The following GPR137B variants were observed in gnomAD, a reference collection of about 807,000 sequenced individuals.
GPR137B encodes integral membrane protein GPR137B.
A neutral mutation model predicts 42.5 loss-of-function variants in GPR137B; 42 were observed. The ratio of observed to expected loss-of-function variants is 0.99; its 90% CI spans 0.77 to 1.28. GPR137B has a LOEUF of 1.28. Among genes scored for constraint, GPR137B ranks in the 50% most tolerant of loss-of-function variants. GPR137B has a pLI of 0.00. For synonymous variants in GPR137B, 218 were observed against 209.7 expected, an observed-to-expected ratio of 1.04 and a Z score of -0.34; for missense variants, 487 against 493.9, an observed-to-expected ratio of 0.99 and a Z score of 0.13.
chr1:236,195,650 A>G (rs955401965), intron 5 of GPR137B, among the ~76,000 whole-genome samples: 6 of 152,174 alleles, frequency 3.9e-5, no homozygotes, highest in Non-Finnish European at 8.8e-5. Flanking sequence ...ATCATGTGGT[A>G]GCTCAATTTT....
At chr1:236,149,844 G>A (rs2102890065) in intron 1 of GPR137B, among the ~76,000 whole-genome samples, 1 of 152,384 alleles carries the variant, frequency 6.6e-6, no homozygotes, top group Admixed American at 6.5e-5. Flanking sequence ...GCACCTAGGT[G>A]TGCGCCTTTG....
chr1:236,172,968 A>G (rs1248903636), intron 2 of GPR137B, among the ~76,000 whole-genome samples: 3 of 151,492 alleles, frequency 2.0e-5, no homozygotes, highest in Admixed American at 6.6e-5. Flanking sequence ...CTGGGATTAC[A>G]GGTACACGCC....
intron 4 of GPR137B, among the ~76,000 whole-genome samples, chr1:236,180,736 C>T (rs937381945): frequency 6.6e-6 from 1 of 151,536 alleles, no homozygotes; most frequent in African/African-American, 2.4e-5. Flanking sequence ...CCTGCGTCAG[C>T]CTCCAGAGTA....
intron 5 of GPR137B, among the ~76,000 whole-genome samples, chr1:236,194,294 T>G (rs1015320871): frequency 6.6e-6 from 1 of 152,242 alleles, no homozygotes; most frequent in African/African-American, 2.4e-5. Context: ...CTAAGAGTTT[T>G]GTAGTTTTTG....
chr1:236,179,812 G>T (rs1393427922), intron 3 of GPR137B, 67 bp from the exon 4 acceptor site: 4 of 1,191,934 alleles, frequency 3.4e-6, no homozygotes, highest in Non-Finnish European at 4.7e-6. Context: ...ATAGCAGGTG[G>T]GGGCTGGGGA....
rs1401818286 is a variant in GPR137B, at chr1:236,171,415, G to T, written c.464+2660G>T. Among the ~76,000 whole-genome samples, 1 of 152,214 alleles carries T rather than the reference G, an allele frequency of 6.6e-6. No individual in the cohort carries two copies. The highest frequency in any genetic ancestry group is 2.4e-5 in the African/African-American group (1 of 41,452). On this transcript the variant is annotated intron_variant, in intron 2 of 6. Transcript: ENST00000366592. The surrounding 1 kb of genome is among the most constrained non-coding windows in gnomAD (Gnocchi z 4.4). ...TAGGTCAAAGCATGAGTGAAGATGG[G>T]CATAGGAGGAGAACATTCTGTCTGA...
intron 5 of GPR137B, among the ~76,000 whole-genome samples, chr1:236,192,602 T>TG (rs1180613482): frequency 6.6e-6 from 1 of 152,084 alleles, no homozygotes; most frequent in Non-Finnish European, 1.5e-5. Context: ...GAAAATTCCC[T>TG]GACTCCTTGC....
chr1:236,183,900 G>T lies in GPR137B; in HGVS notation c.960G>T (p.Lys320Asn). 6.2e-7 allele frequency: 1 copy of T among 1,607,248 alleles called. No individual in the cohort carries two copies. Among genetic ancestry groups the T allele is most frequent in the Non-Finnish European group, 8.5e-7 (1 of 1,174,844 alleles). ...VYFFRVRNPT[K>N]DLTNPGMVPS... Reference sequence around the variant, plus strand: ...TCTTCCGAGTTAGAAATCCTACAAAGGACCTTGTAAGTAAACCATTTTACA... The same window carrying T: ...TCTTCCGAGTTAGAAATCCTACAAATGACCTTGTAAGTAAACCATTTTACA... The change falls in exon 5 of 7, where the codon AAG becomes AAT. Residue 320 changes from lysine to asparagine, a missense_variant. Transcript: ENST00000366592.
chr1:236,172,708 A>G (rs963584136), intron 2 of GPR137B, among the ~76,000 whole-genome samples: 1 of 149,176 alleles, frequency 6.7e-6, no homozygotes, highest in African/African-American at 2.5e-5. Flanking sequence ...TTTTTAAGAG[A>G]CAAGGTCTCA....
intron 4 of GPR137B, among the ~76,000 whole-genome samples, chr1:236,182,202 C>A (rs561354253): frequency 2.8e-4 from 42 of 152,168 alleles, no homozygotes; most frequent in African/African-American, 9.2e-4. Flanking sequence ...CTATTTTAAC[C>A]ATTTTTAAGT....
chr1:236,154,375 T>C (rs529211309), intron 1 of GPR137B, among the ~76,000 whole-genome samples: 1 of 152,076 alleles, frequency 6.6e-6, no homozygotes, highest in African/African-American at 2.4e-5. Flanking sequence ...CAGCATATAT[T>C]GTGTCTTCCC....
intron 3 of GPR137B, among the ~76,000 whole-genome samples, 153 bp downstream of exon 3, chr1:236,178,789 T>TTTTTTTG (rs1558488548): frequency 4.8e-5 from 3 of 62,614 alleles, no homozygotes; most frequent in East Asian, 4.3e-4. Context: ...CTCGAGGTTT[T>TTTTTTTG]TTTTTTTTTT....
At chr1:236,173,863 CAT>C (rs1662615114) in intron 2 of GPR137B, among the ~76,000 whole-genome samples, 2 of 151,770 alleles carry the variant, frequency 1.3e-5, no homozygotes, top group South Asian at 4.2e-4. Flanking sequence ...CAGCTGCAGG[CAT>C]AGAGGGAAAA....
At chr1:236,205,280 T>C in intron 6 of GPR137B, 30 bp downstream of exon 6, 4 of 1,593,362 alleles carry the variant, frequency 2.5e-6, no homozygotes, top group Admixed American at 1.7e-5. Flanking sequence ...TAGACAAGCC[T>C]CATCAGGAGG....
chr1:236,191,742 C>A (rs1365008618), intron 5 of GPR137B, among the ~76,000 whole-genome samples: 1 of 152,192 alleles, frequency 6.6e-6, no homozygotes, highest in Non-Finnish European at 1.5e-5. Flanking sequence ...CCAGAGCTCT[C>A]CTGTATGAGG....
At position 236,207,211 on chromosome 1, in the gene GPR137B, G is replaced by A. The variant is rs1001791595; in HGVS notation, c.1092-839G>A. 3.0e-6 allele frequency: 3 copies of A among 985,102 alleles called. No individual in the cohort carries two copies. The African/African-American group carries it at 5.2e-5, about 17-fold the overall frequency. 61.0% of individuals were successfully genotyped at this position (985,102 alleles called of 1,614,324 possible). ...GGAGCAGAGAAATCCTGGTCAGATA[G>A]GATAAAAGATTGTCGCTGAGAAAAA... On this transcript the variant is annotated intron_variant, in intron 6 of 6. Coordinates refer to ENST00000366592, the MANE Select transcript of GPR137B (RefSeq NM_003272.4).
At chr1:236,160,661 T>G (rs1662163772) in intron 1 of GPR137B, among the ~76,000 whole-genome samples, 1 of 152,208 alleles carries the variant, frequency 6.6e-6, no homozygotes, top group Non-Finnish European at 1.5e-5. Context: ...GCTCTTGAAT[T>G]GACTCACTGC....
At chr1:236,179,382 T>C (rs1465855540) in intron 3 of GPR137B, among the ~76,000 whole-genome samples, 2 of 152,178 alleles carry the variant, frequency 1.3e-5, no homozygotes, top group African/African-American at 4.8e-5. Context: ...GATTTCCAGG[T>C]AATTCCGAGT....
At chr1:236,143,965 A>G (rs1335179793) in intron 1 of GPR137B, among the ~76,000 whole-genome samples, 2 of 152,040 alleles carry the variant, frequency 1.3e-5, no homozygotes, top group Non-Finnish European at 2.9e-5. Context: ...TAAGATGTCC[A>G]TTTTCACTAG....
Sources: gnomAD v4.1 joint callset for allele counts (sites outside exome capture counted in the v4.1 genomes callset) on GRCh38, gnomAD v4.1.1 for gene constraint, Gnocchi (gnomAD v3.1) non-coding constraint, MANE v1.5 for transcripts, NCBI Gene and HGNC (gene_info 2026-07-23, HGNC 2026-07-21) for gene names.